The following SLC4A5 variants were observed in gnomAD, a reference collection of about 807,000 sequenced individuals.
SLC4A5 encodes the protein solute carrier family 4 member 5.
In SLC4A5, 96 loss-of-function variants were observed where a neutral mutation model predicts 120.4. That is an observed-to-expected ratio of 0.80 (90% confidence interval 0.68 to 0.94). The LOEUF is 0.94. SLC4A5 is among the 40% of genes least tolerant of loss of function. The pLI, the probability that SLC4A5 is intolerant of heterozygous loss-of-function variation, is 0.00. For synonymous variants in SLC4A5, 550 were observed against 571.1 expected (o/e 0.96, Z 0.53); for missense variants, 1,259 against 1,459.5 (o/e 0.86, Z 2.24).
intron 19 of SLC4A5, among the ~76,000 whole-genome samples, chr2:74,243,548 G>T (rs958651238): frequency 6.6e-6 from 1 of 152,196 alleles, no homozygotes; most frequent in African/African-American, 2.4e-5. Flanking sequence ...GTGACCAAAA[G>T]AACATGATGT....
intron 7 of SLC4A5, among the ~76,000 whole-genome samples, chr2:74,299,121 A>G (rs1672407057): frequency 1.3e-5 from 2 of 151,056 alleles, no homozygotes; most frequent in Non-Finnish European, 2.9e-5. Flanking sequence ...GAGGCCGAGG[A>G]AGGCAGATCA....
intron 7 of SLC4A5, among the ~76,000 whole-genome samples, chr2:74,303,198 C>G (rs1251979566): frequency 6.6e-6 from 1 of 151,962 alleles, no homozygotes; most frequent in African/African-American, 2.4e-5. Context: ...ACCATTACCC[C>G]ATCTCCTACA....
In SLC4A5 at chr2:74,307,676, G is replaced by C. The variant is rs189270543; in HGVS notation, c.80-2996C>G. On this transcript the variant is annotated intron_variant, in intron 6 of 30. Transcript: ENST00000394019. ...GTCCCTTCTTCTCCAGGTGCTCCCG[G>C]ATTTTGCTCTCCAGCTTCCTGTTAT... 4.9e-4 allele frequency: 479 copies of C among 983,474 alleles called. 4 individuals are homozygous for C. The African/African-American group carries it at 6.9e-3, about 14-fold the overall frequency. 60.9% of individuals were successfully genotyped at this position (983,474 alleles called of 1,614,324 possible).
At chr2:74,216,359 T>G (rs1694444469) in exon 31 of SLC4A5, 1 of 152,240 alleles carries the variant, frequency 6.6e-6, no homozygotes, top group South Asian at 2.1e-4. Context: ...AAAATGTTCA[T>G]GTATATACAA....
intron 5 of SLC4A5, among the ~76,000 whole-genome samples, chr2:74,326,304 A>G (rs986002900): frequency 6.6e-6 from 1 of 152,196 alleles, no homozygotes; most frequent in Non-Finnish European, 1.5e-5. Flanking sequence ...AGCAAATGAA[A>G]GGACCTGTAA....
Position 74,258,267 on chromosome 2 carries a change from C to T in SLC4A5, c.867+1321G>A, listed in dbSNP as rs386502320. Reference sequence around the variant, plus strand: ...TGCCTCTGGGCTTGCACCTGAAGAGCACCCAATAGCAGAGACCACTGATGC... The same window carrying T: ...TGCCTCTGGGCTTGCACCTGAAGAGTACCCAATAGCAGAGACCACTGATGC... On this transcript the variant is annotated intron_variant, in intron 12 of 30. Coordinates refer to ENST00000394019, the Ensembl canonical transcript of SLC4A5. Among the ~76,000 whole-genome samples, 87 of 152,354 alleles carry T rather than the reference C, an allele frequency of 5.7e-4. 1 individual carries two copies. The South Asian group carries it at 0.012, about 21-fold the overall frequency.
intron 5 of SLC4A5, among the ~76,000 whole-genome samples, chr2:74,321,184 T>C (rs758051543): frequency 3.9e-5 from 6 of 152,220 alleles, no homozygotes; most frequent in Non-Finnish European, 8.8e-5. Context: ...TGGAGGATGC[T>C]GCTAGTTACT....
At position 74,253,606 on chromosome 2, in the gene SLC4A5, C is replaced by CA. The variant is rs55993038; in HGVS notation, c.1114-479dup. ...CACATTTAACCCTTTCCCATTTAGGCAAAAAAAAAAAGTGCAGCTCACTGC... is the reference window on the plus strand; with the variant it reads ...CACATTTAACCCTTTCCCATTTAGGCAAAAAAAAAAAAGTGCAGCTCACTGC... On this transcript the variant is annotated intron_variant, in intron 14 of 30. Coordinates refer to ENST00000394019, the Ensembl canonical transcript of SLC4A5. Among the ~76,000 whole-genome samples the CA allele has an allele frequency of 3.5e-3, 495 of 142,280 alleles. 3 individuals are homozygous for CA. Among genetic ancestry groups the CA allele is most frequent in the African/African-American group, 9.6e-3 (374 of 38,910 alleles). 93.3% of individuals were successfully genotyped at this position (142,280 alleles called of 152,430 possible). A position where few individuals can be genotyped will look rare whatever the true frequency, so the allele number is the denominator to read the frequency against.
chr2:74,229,439 G>A (rs1237237440), intron 25 of SLC4A5, among the ~76,000 whole-genome samples: 1 of 151,460 alleles, frequency 6.6e-6, no homozygotes, highest in East Asian at 2.0e-4. Context: ...AGTAGACACA[G>A]GGTTTCGGGT....
chr2:74,248,160 T>G (rs1670676440), intron 18 of SLC4A5, among the ~76,000 whole-genome samples, 193 bp downstream of exon 18: 1 of 152,320 alleles, frequency 6.6e-6, no homozygotes, highest in South Asian at 2.1e-4. Flanking sequence ...TGTGCCAATA[T>G]GCACTAAGAT....
At chr2:74,272,872 G>C (rs1671519938) in intron 8 of SLC4A5, among the ~76,000 whole-genome samples, 1 of 152,220 alleles carries the variant, frequency 6.6e-6, no homozygotes, top group African/African-American at 2.4e-5. Flanking sequence ...ACCACAGGAT[G>C]GGAGAAGAGG....
chr2:74,330,810 GATGGAGGCGGTGAGGT>G (rs1673341749), intron 4 of SLC4A5, among the ~76,000 whole-genome samples: 1 of 144,982 alleles, frequency 6.9e-6, no homozygotes, highest in African/African-American at 2.6e-5. Flanking sequence ...GTGAGGTCTA[GATGGAGGCGGTGAGGT>G]CTAGATGGAG....
intron 7 of SLC4A5, among the ~76,000 whole-genome samples, chr2:74,296,616 C>CAAAAAAAAAAAAAAAA (rs1160532512): frequency 2.1e-5 from 1 of 47,488 alleles, no homozygotes. Flanking sequence ...ACTAAAAATA[C>CAAAAAAAAAAAAAAAA]AAAAAAAAAA....
chr2:74,303,404 A>C (rs1188500683), intron 7 of SLC4A5, among the ~76,000 whole-genome samples: 1 of 152,126 alleles, frequency 6.6e-6, no homozygotes, highest in Non-Finnish European at 1.5e-5. Context: ...ATAATAAACC[A>C]ACTTTTCCAC....
intron 6 of SLC4A5, among the ~76,000 whole-genome samples, chr2:74,310,936 C>CTT (rs1004124079): frequency 2.2e-5 from 3 of 137,026 alleles, no homozygotes; most frequent in African/African-American, 5.3e-5. Context: ...GCCTGTTGCT[C>CTT]TTTTTTTTTT....
intron 4 of SLC4A5, among the ~76,000 whole-genome samples, chr2:74,331,158 G>A (rs1673358068): frequency 6.7e-6 from 1 of 148,408 alleles, no homozygotes; most frequent in Admixed American, 6.7e-5. Context: ...GACGTGGTGA[G>A]GTCTAAATGG....
intron 5 of SLC4A5, among the ~76,000 whole-genome samples, chr2:74,325,394 G>A (rs1673195216): frequency 6.6e-6 from 1 of 152,138 alleles, no homozygotes; most frequent in African/African-American, 2.4e-5. Context: ...CATGTCCTCT[G>A]TGCTAGATCC....
intron 7 of SLC4A5, among the ~76,000 whole-genome samples, chr2:74,298,744 A>G (rs1363533078): frequency 6.6e-6 from 1 of 152,166 alleles, no homozygotes; most frequent in Non-Finnish European, 1.5e-5. Context: ...AAAAAATCCT[A>G]TTTTTAAATG....
At chr2:74,327,017 AC>A (rs1673233396) in intron 5 of SLC4A5, among the ~76,000 whole-genome samples, 1 of 152,206 alleles carries the variant, frequency 6.6e-6, no homozygotes, top group Non-Finnish European at 1.5e-5. Context: ...TTCCCTATCC[AC>A]AAGGACACAT....
Sources: allele counts gnomAD v4.1 joint callset (sites outside exome capture counted in the v4.1 genomes callset), GRCh38; gene constraint gnomAD v4.1.1; transcripts MANE v1.5; gene names NCBI Gene and HGNC (gene_info 2026-07-23, HGNC 2026-07-21).